GYS1: variants seen among roughly 807,000 people sequenced by gnomAD.
GYS1 encodes glycogen synthase 1.
GYS1 carries 60 observed loss-of-function variants against 89.1 expected under a neutral mutation model. The ratio of observed to expected loss-of-function variants is 0.67; its 90% CI spans 0.55 to 0.84. The LOEUF (loss-of-function observed/expected upper bound fraction) is 0.84. GYS1 is among the 40% of genes least tolerant of loss of function. The pLI, the probability that GYS1 is intolerant of heterozygous loss-of-function variation, is 0.00. For synonymous variants in GYS1, 366 were observed against 401.7 expected (o/e 0.91, Z 1.06); for missense variants, 888 against 1,003.1 (o/e 0.89, Z 1.55).
chr19:48,973,189 ATACT>A (rs2038591892), intron 12 of GYS1, among the ~76,000 whole-genome samples: 1 of 151,934 alleles, frequency 6.6e-6, no homozygotes, highest in Admixed American at 6.6e-5. Context: ...GCACCCTCAC[ATACT>A]TCTCCCTCCT....
At chr19:48,987,590 A>AT (rs879378278) in intron 2 of GYS1, among the ~76,000 whole-genome samples, 1 of 151,584 alleles carries the variant, frequency 6.6e-6, no homozygotes, top group Non-Finnish European at 1.5e-5. Context: ...CCTGCTACAC[A>AT]TTTTTTCCAT....
In GYS1 at chr19:48,981,607, G is replaced by A. The variant is rs1234742185; in HGVS notation, c.1092C>T (p.Ala364=). 6.2e-7 allele frequency: 1 copy of A among 1,613,056 alleles called. No homozygotes were observed. The highest frequency in any genetic ancestry group is 8.5e-7 in the Non-Finnish European group (1 of 1,179,064). Residue 364 remains alanine (A), a synonymous_variant, in exon 8 of 16, where the codon GCC becomes GCT. Transcript: ENST00000323798. ...TGGTCCGCGCTGGCATGATGAAGAAGGCAACCACTGTCTGCTCGCTGCCGT... is the reference window on the plus strand; with the variant it reads ...TGGTCCGCGCTGGCATGATGAAGAAAGCAACCACTGTCTGCTCGCTGCCGT... ...RVNGSEQTVV[A]FFIMPARTNN...
chr19:48,979,032 T>G (rs1277064222), intron 8 of GYS1, among the ~76,000 whole-genome samples: 1 of 152,050 alleles, frequency 6.6e-6, no homozygotes, highest in Non-Finnish European at 1.5e-5. Flanking sequence ...CAGAGGAGGA[T>G]GAAAATAGAA....
chr19:48,968,163 C>T lies in GYS1; in HGVS notation c.*1125G>A, dbSNP rs1210029989. The T allele has an allele frequency of 2.2e-6, 1 of 452,982 alleles. No individual in the cohort carries two copies. The highest frequency in any genetic ancestry group is 2.4e-5 in the Admixed American group (1 of 42,348). 28.1% of individuals were successfully genotyped at this position (452,982 alleles called of 1,614,324 possible). A position where few individuals can be genotyped will look rare whatever the true frequency, so the allele number is the denominator to read the frequency against. On this transcript the variant is annotated 3_prime_UTR_variant, in exon 16 of 16. Coordinates refer to ENST00000323798, the MANE Select transcript of GYS1 (RefSeq NM_002103.5). Reference sequence around the variant, plus strand: ...TATAGATGTATTTTTTTCATCTCATCTCCGGACACACTCCAATCACACCCC... The same window carrying T: ...TATAGATGTATTTTTTTCATCTCATTTCCGGACACACTCCAATCACACCCC...
intron 14 of GYS1, chr19:48,970,139 T>G (rs1479843410): frequency 1.9e-6 from 1 of 514,098 alleles, no homozygotes; most frequent in African/African-American, 1.9e-5. Context: ...TTTTTTTCTT[T>G]TTAAACACGG....
chr19:48,981,544 C>T lies in GYS1; in HGVS notation c.1155G>A (p.Val385=), dbSNP rs1462804703. 9 of 1,605,648 alleles carry T rather than the reference C, an allele frequency of 5.6e-6. No individual in the cohort carries two copies. In the Admixed American group the frequency reaches 8.3e-5, roughly 15 times the overall value. The change falls in exon 8 of 16, where the codon GTG becomes GTA. Residue 385 remains valine, a synonymous_variant. Transcript: ENST00000323798. ...FNVETLKGQA[V]RKQLWDTANT... is the part of the protein sequence containing the mutation. Reference sequence around the variant, plus strand: ...GGGCTGCTAACCAAAGCTGTTTGCGCACAGCTTGGCCTTTGAGGGTTTCCA... The same window carrying T: ...GGGCTGCTAACCAAAGCTGTTTGCGTACAGCTTGGCCTTTGAGGGTTTCCA...
At chr19:48,982,226 T>C in intron 7 of GYS1, 29 bp downstream of exon 7, 1 of 1,611,656 alleles carries the variant, frequency 6.2e-7, no homozygotes, top group Non-Finnish European at 8.5e-7. Context: ...TTGCTTGCCC[T>C]CCCTGTCCCC....
In GYS1 at chr19:48,982,242, G is replaced by C. The variant is rs567835926; in HGVS notation, c.1062+13C>G. On this transcript the variant is annotated intron_variant, in intron 7 of 15. Transcript: ENST00000323798. The stretch of plus-strand genomic sequence containing the variant: ...TGCTTGCCCTCCCTGTCCCCTCATA[G>C]CCCAGGCCTCACTCTGAGCAGATAG... The C allele has an allele frequency of 6.2e-7, 1 of 1,613,076 alleles. No individual in the cohort carries two copies. The highest frequency in any genetic ancestry group is 1.3e-5 in the African/African-American group (1 of 74,976).
chr19:48,985,342 A>T, intron 5 of GYS1, 119 bp downstream of exon 5: 1 of 1,027,458 alleles, frequency 9.7e-7, no homozygotes, highest in Non-Finnish European at 1.5e-6. Context: ...CAGCCGAAAT[A>T]CGTTTTCGGT....
At chr19:48,982,654 C>A in intron 6 of GYS1, 66 bp downstream of exon 6, 1 of 1,202,658 alleles carries the variant, frequency 8.3e-7, no homozygotes, top group Non-Finnish European at 1.2e-6. Context: ...GCCCCCTCCC[C>A]CAGACCTAGA....
chr19:48,984,557 G>A (rs1289150564), intron 5 of GYS1, among the ~76,000 whole-genome samples: 4 of 150,832 alleles, frequency 2.7e-5, no homozygotes, highest in African/African-American at 7.3e-5. Context: ...CACCACGCCC[G>A]GCTAATTTTT....
Position 48,985,884 on chromosome 19 carries a change from G to A in GYS1, c.644C>T (p.Ala215Val). 1.2e-6 allele frequency: 2 copies of A among 1,613,892 alleles called. No homozygotes were observed. Among genetic ancestry groups the A allele is most frequent in the Non-Finnish European group, 1.7e-6 (2 of 1,180,038 alleles). Residue 215 changes from alanine to valine, a missense_variant, in exon 4 of 16, where the codon GCC becomes GTC. By Grantham distance (64) the Ala-to-Val change is moderately conservative. Transcript: ENST00000323798. ...HATLLGRYLC[A>V]GAVDFYNNLE... ...GTTGTTGTAGAAGTCCACGGCACCG[G>A]CACACAGGTAGCGCCCCAGCAGCGT...
intron 3 of GYS1, 140 bp from the exon 4 acceptor site, chr19:48,986,175 T>C (rs1019185854): frequency 1.3e-6 from 1 of 770,090 alleles, no homozygotes; most frequent in Non-Finnish European, 2.2e-6. Context: ...ACTGCAGCAA[T>C]CCCAACCGGA....
Position 48,988,081 on chromosome 19 carries a change from C to T in GYS1, c.301-696G>A, listed in dbSNP as rs942783250. Among the ~76,000 whole-genome samples the T allele has an allele frequency of 1.1e-4, 17 of 152,324 alleles. No homozygotes were observed. In the East Asian group the frequency reaches 3.1e-3, roughly 28 times the overall value. On this transcript the variant is annotated intron_variant, in intron 2 of 15. Coordinates refer to ENST00000323798, the MANE Select transcript of GYS1 (RefSeq NM_002103.5). Reference sequence around the variant, plus strand: ...CGTCCCAAAGTGCTGGGATTACAGGCGTGAGCCACCGCACCCAGCCTCCTG... The same window carrying T: ...CGTCCCAAAGTGCTGGGATTACAGGTGTGAGCCACCGCACCCAGCCTCCTG...
chr19:48,990,008 G>GGC lies in GYS1; in HGVS notation c.300+1293_300+1294insGC, dbSNP rs879541701. On this transcript the variant is annotated intron_variant, in intron 2 of 15. Transcript: ENST00000323798. Reference sequence around the variant, plus strand: ...TGTCTGCCCTTTTGCTGGGGGGGGGGGGGGGCTATTCTTAGGCCCCCAGCA... The same window carrying GGC: ...TGTCTGCCCTTTTGCTGGGGGGGGGGGCGGGGGCTATTCTTAGGCCCCCAGCA... Among the ~76,000 whole-genome samples the GGC allele has an allele frequency of 2.2e-3, 325 of 148,980 alleles. 15 individuals are homozygous for GGC. The highest frequency in any genetic ancestry group is 3.6e-3 in the Non-Finnish European group (245 of 67,572).
chr19:48,989,240 G>C (rs1003557922), intron 2 of GYS1, among the ~76,000 whole-genome samples: 1 of 151,784 alleles, frequency 6.6e-6, no homozygotes, highest in Admixed American at 6.6e-5. Context: ...CTAGCTCTTT[G>C]GGGGGCCGAG....
intron 14 of GYS1, 90 bp from the exon 15 acceptor site, chr19:48,969,945 C>A: frequency 4.9e-6 from 4 of 810,062 alleles, no homozygotes; most frequent in Non-Finnish European, 8.7e-6. Context: ...ACCCTTTATG[C>A]AGATGAGCAC....
rs2038935014 is a variant in GYS1 at position 48,991,824 on chromosome 19, G to A, written c.119-341C>T. On this transcript the variant is annotated intron_variant, in intron 1 of 15. Coordinates refer to ENST00000323798, the MANE Select transcript of GYS1 (RefSeq NM_002103.5). This position sits in a 1 kb window ranked among gnomAD's most constrained non-coding sequence, Gnocchi z 4.7. Reference sequence around the variant, plus strand: ...AATTAGGCACTGGGGCTCTAAGGATGGCAGAGCTGAGGACTGACTACCCGG... The same window carrying A: ...AATTAGGCACTGGGGCTCTAAGGATAGCAGAGCTGAGGACTGACTACCCGG... Among the ~76,000 whole-genome samples the A allele has an allele frequency of 6.6e-6, 1 of 152,048 alleles. No homozygotes were observed. Among genetic ancestry groups the A allele is most frequent in the Non-Finnish European group, 1.5e-5 (1 of 67,978 alleles).
At chr19:48,972,082 G>C (rs1164104027) in intron 12 of GYS1, among the ~76,000 whole-genome samples, 3 of 150,542 alleles carry the variant, frequency 2.0e-5, no homozygotes, top group Admixed American at 2.0e-4. Context: ...TGTAATCCCA[G>C]CACTTTGGGA....
Sources: gnomAD v4.1 joint callset for allele counts (sites outside exome capture counted in the v4.1 genomes callset) on GRCh38, gnomAD v4.1.1 for gene constraint, Gnocchi (gnomAD v3.1) non-coding constraint, MANE v1.5 for transcripts, NCBI Gene and HGNC (gene_info 2026-07-23, HGNC 2026-07-21) for gene names.